The following TMBIM6 variants were observed in gnomAD, a reference collection of about 807,000 sequenced individuals.
TMBIM6 encodes the protein transmembrane BAX inhibitor motif containing 6, also known as bax inhibitor 1.
In TMBIM6, 13 loss-of-function variants were observed where a neutral mutation model predicts 31.4. The ratio of observed to expected loss-of-function variants is 0.41; its 90% confidence interval spans 0.27 to 0.66. The LOEUF is 0.66. Ranked by LOEUF, TMBIM6 falls within the 30% of genes least tolerant of loss-of-function variation. The pLI, the probability that TMBIM6 is intolerant of heterozygous loss-of-function variation, is 0.28. For missense variants in TMBIM6, 275 were observed against 289.5 expected, an observed-to-expected ratio of 0.95 and a Z score of 0.36; for synonymous variants, 85 against 101.7, an observed-to-expected ratio of 0.84 and a Z score of 0.99.
intron 3 of TMBIM6, among the ~76,000 whole-genome samples, chr12:49,755,378 G>T (rs1415452491): frequency 6.6e-6 from 1 of 152,082 alleles, no homozygotes; most frequent in Non-Finnish European, 1.5e-5. Context: ...TTTGACTTGG[G>T]TAGTTGTACT....
intron 1 of TMBIM6, among the ~76,000 whole-genome samples, chr12:49,748,532 T>C (rs1945437562): frequency 6.6e-6 from 1 of 152,240 alleles, no homozygotes; most frequent in Non-Finnish European, 1.5e-5. Context: ...CACAGAATGA[T>C]GACACTTCAG....
intron 2 of TMBIM6, 129 bp downstream of exon 2, chr12:49,752,678 T>C (rs1379263055): frequency 1.2e-6 from 1 of 814,874 alleles, no homozygotes; most frequent in Admixed American, 2.4e-5. Flanking sequence ...GAGGACCTGA[T>C]GAAAATGTCC....
chr12:49,750,043 A>G (rs1428985176), intron 1 of TMBIM6, among the ~76,000 whole-genome samples: 1 of 152,206 alleles, frequency 6.6e-6, no homozygotes, highest in Non-Finnish European at 1.5e-5. Flanking sequence ...AGCTTCTATT[A>G]AATCAAAGTG....
chr12:49,751,576 C>CT (rs1244821014), intron 1 of TMBIM6, among the ~76,000 whole-genome samples: 2 of 151,936 alleles, frequency 1.3e-5, no homozygotes, highest in Non-Finnish European at 2.9e-5. Flanking sequence ...AGGAACCTCT[C>CT]TTTTTTTAAA....
intron 4 of TMBIM6, among the ~76,000 whole-genome samples, chr12:49,756,291 A>G (rs942791373): frequency 5.3e-5 from 8 of 150,700 alleles, no homozygotes; most frequent in African/African-American, 1.7e-4. Context: ...ATGTGCCACC[A>G]TGCCCGGCTA....
At chr12:49,755,838 T>A in intron 4 of TMBIM6, 83 bp downstream of exon 4, 1 of 320,818 alleles carries the variant, frequency 3.1e-6, no homozygotes, top group Non-Finnish European at 4.5e-6. Context: ...TTTTTTTTTC[T>A]TTTTTTTTTT....
rs201167794 is a variant in TMBIM6, at chr12:49,747,914, AT to A, written c.-30-4542del. On this transcript the variant is annotated intron_variant, in intron 1 of 9. Coordinates refer to ENST00000267115, the MANE Select transcript of TMBIM6 (RefSeq NM_003217.3). ...TGGTTGTGTTTTTTTTAATTTTTAAATTTTTTTTACACGTAGTCTCGCACTG... is the reference window on the plus strand; with the variant it reads ...TGGTTGTGTTTTTTTTAATTTTTAAATTTTTTTACACGTAGTCTCGCACTG... 5.5e-3 allele frequency among the ~76,000 whole-genome samples: 828 copies of A among 151,844 alleles called. 2 individuals are homozygous for A. The highest frequency in any genetic ancestry group is 0.019 in the African/African-American group (791 of 41,414).
In TMBIM6 at chr12:49,755,825, C is replaced by G; in HGVS notation, c.286+70C>G. On this transcript the variant is annotated intron_variant, in intron 4 of 9. Coordinates refer to ENST00000267115, the MANE Select transcript of TMBIM6 (RefSeq NM_003217.3). ...TCAGTATCTCTTAATTAGTTCCCCC[C>G]CCTTTTTTTTTCTTTTTTTTTTTTT... 3.3e-6 allele frequency: 5 copies of G among 1,529,030 alleles called. No individual in the cohort carries two copies. In the South Asian group the frequency reaches 3.7e-5, roughly 11 times the overall value. 94.7% of individuals were successfully genotyped at this position (1,529,030 alleles called of 1,614,324 possible). A position where few individuals can be genotyped will look rare whatever the true frequency, so the allele number is the denominator to read the frequency against.
At chr12:49,747,403 G>A (rs137962328) in intron 1 of TMBIM6, among the ~76,000 whole-genome samples, 29 of 152,202 alleles carry the variant, frequency 1.9e-4, no homozygotes, top group Non-Finnish European at 4.1e-4. Flanking sequence ...GAAATTCCTG[G>A]GCTCAAGCAA....
intron 8 of TMBIM6, 132 bp downstream of exon 8, chr12:49,759,453 T>G: frequency 1.4e-6 from 1 of 706,908 alleles, no homozygotes. Flanking sequence ...ACCCACGGTT[T>G]TGGAACTGTG....
intron 1 of TMBIM6, among the ~76,000 whole-genome samples, chr12:49,749,324 T>C (rs1945451793): frequency 6.6e-6 from 1 of 152,248 alleles, no homozygotes; most frequent in Admixed American, 6.5e-5. Context: ...TTGTGTCATA[T>C]ACATTAAATG....
At chr12:49,759,026 T>C (rs543343188) in intron 7 of TMBIM6, 195 bp from the exon 8 acceptor site, 5 of 628,100 alleles carry the variant, frequency 8.0e-6, no homozygotes, top group South Asian at 7.9e-5. Context: ...ATTGAAACTC[T>C]TCCAGTGACC....
chr12:49,752,412 G>A, intron 1 of TMBIM6, 52 bp from the exon 2 acceptor site: 1 of 1,120,094 alleles, frequency 8.9e-7, no homozygotes, highest in Non-Finnish European at 1.3e-6. Flanking sequence ...TTTATAAGCT[G>A]TTCGTGTGAT....
chr12:49,752,389 G>GT, intron 1 of TMBIM6, 75 bp from the exon 2 acceptor site: 1 of 894,068 alleles, frequency 1.1e-6, no homozygotes, highest in Non-Finnish European at 1.7e-6. Flanking sequence ...CTTACATGTT[G>GT]CTTTTTTTTT....
chr12:49,758,744 A>G lies in TMBIM6; in HGVS notation c.495A>G (p.Gly165=). 6.2e-7 allele frequency: 1 copy of G among 1,611,862 alleles called. No homozygotes were observed. Among genetic ancestry groups the G allele is most frequent in the Non-Finnish European group, 8.5e-7 (1 of 1,179,788 alleles). ...LLSSLGNVFF[G]SIWLFQANLY... ...CTTCCCTGGGGAATGTTTTCTTTGG[A>G]TCCATTTGGCTTTTCCAGGTAAGAC... Residue 165 remains glycine (G), a synonymous_variant, in exon 7 of 10, where the codon GGA becomes GGG. Coordinates refer to ENST00000267115, the MANE Select transcript of TMBIM6 (RefSeq NM_003217.3).
chr12:49,758,941 C>G (rs952618316), intron 7 of TMBIM6, 179 bp downstream of exon 7: 2 of 662,722 alleles, frequency 3.0e-6, no homozygotes, highest in African/African-American at 3.7e-5. Flanking sequence ...CAAGGTTGGG[C>G]ATTGCTAAGA....
At chr12:49,755,835 T>TC in intron 4 of TMBIM6, 80 bp downstream of exon 4, 5 of 1,489,094 alleles carry the variant, frequency 3.4e-6, no homozygotes, top group East Asian at 2.3e-5. Flanking sequence ...CCCTTTTTTT[T>TC]TCTTTTTTTT....
In TMBIM6 at chr12:49,747,547, G is replaced by A. The variant is rs12229817; in HGVS notation, c.-30-4917G>A. Among the ~76,000 whole-genome samples the A allele has an allele frequency of 9.7e-3, 1,473 of 152,284 alleles. 169 individuals carry two copies. In the East Asian group the frequency reaches 0.24, roughly 25 times the overall value. On this transcript the variant is annotated intron_variant, in intron 1 of 9. Coordinates refer to ENST00000267115, the MANE Select transcript of TMBIM6 (RefSeq NM_003217.3). ...TGGTCTGGAACTCCTGGGCTCAAGC[G>A]ACCCTCCCACCTTGGCTTCCCAAAG...
At chr12:49,758,874 C>A in intron 7 of TMBIM6, 112 bp downstream of exon 7, 1 of 915,996 alleles carries the variant, frequency 1.1e-6, no homozygotes, top group Non-Finnish European at 1.7e-6. Flanking sequence ...GCTCTCTAAG[C>A]CTTCCCATTA....
Sources: gnomAD v4.1 joint callset for allele counts (sites outside exome capture counted in the v4.1 genomes callset) on GRCh38, gnomAD v4.1.1 for gene constraint, MANE v1.5 for transcripts, NCBI Gene and HGNC (gene_info 2026-07-23, HGNC 2026-07-21) for gene names.